The following PRR5 variants were observed in gnomAD, a reference collection of about 807,000 sequenced individuals.
PRR5 encodes the protein proline-rich protein 5.
Under a neutral mutation model 30.6 loss-of-function variants are expected in PRR5, and 25 were observed. The observed-to-expected ratio is 0.82, with a 90% CI of 0.60 to 1.14. The LOEUF is 1.14. PRR5 is among the 50% of genes most tolerant of loss of function. The pLI, the probability that PRR5 is intolerant of heterozygous loss-of-function variation, is 0.00. For synonymous variants in PRR5, 286 were observed against 247.1 expected, an observed-to-expected ratio of 1.16 and a Z score of -1.48; for missense variants, 600 against 547.1, an observed-to-expected ratio of 1.10 and a Z score of -0.96.
At position 44,732,852 on chromosome 22, in the gene PRR5, GTGCACACGCA is replaced by G. The variant is rs1438000807; in HGVS notation, c.555+462_555+471del. Among the ~76,000 whole-genome samples, 3 of 121,130 alleles carry G rather than the reference GTGCACACGCA, an allele frequency of 2.5e-5. 1 individual carries two copies. The East Asian group carries it at 8.5e-4, about 34-fold the overall frequency. 79.5% of individuals were successfully genotyped at this position (121,130 alleles called of 152,430 possible). A position where few individuals can be genotyped will look rare whatever the true frequency, so the allele number is the denominator to read the frequency against. ...GCACATACTACACACGTGCACACAC[GTGCACACGCA>G]CATACTACACACTGCACACACACAC... On this transcript the variant is annotated intron_variant, in intron 6 of 7. Coordinates refer to ENST00000336985, the MANE Select transcript of PRR5 (RefSeq NM_181333.4).
At chr22:44,668,945 C>G (rs1923253608) in intron 1 of PRR5, 1 of 148,734 alleles carries the variant, frequency 6.7e-6, no homozygotes. Context: ...TGTGTGCGCG[C>G]GTAGGTGCGC....
chr22:44,708,187 G>A lies in PRR5; in HGVS notation c.134+5579G>A, dbSNP rs559299670. Among the ~76,000 whole-genome samples the A allele has an allele frequency of 9.9e-5, 15 of 152,172 alleles. 1 individual carries two copies. In the South Asian group the frequency reaches 2.1e-3, roughly 21 times the overall value. On this transcript the variant is annotated intron_variant, in intron 1 of 7. Transcript: ENST00000336985. ...TGCACTCCAGCCTAGGTGACAGAGC[G>A]AGACTCCAACTCAAAAAACAACAAA...
chr22:44,678,863 C>G (rs1001122714), intron 1 of PRR5, among the ~76,000 whole-genome samples: 5 of 152,194 alleles, frequency 3.3e-5, no homozygotes. Context: ...GGGGCTGGCA[C>G]AGAGTGGGAC....
chr22:44,706,985 C>G (rs929823121), intron 1 of PRR5, among the ~76,000 whole-genome samples: 1 of 152,212 alleles, frequency 6.6e-6, no homozygotes, highest in Admixed American at 6.5e-5. Flanking sequence ...ATCTGCCTCC[C>G]AGTGCCAAGG....
intron 2 of PRR5, among the ~76,000 whole-genome samples, chr22:44,717,178 TC>T (rs1261195891): frequency 7.1e-6 from 1 of 141,092 alleles, no homozygotes; most frequent in Admixed American, 7.5e-5. Flanking sequence ...CTCCAAATGG[TC>T]CCCCTTACCC....
Position 44,695,464 on chromosome 22 carries a change from T to C in PRR5, c.-10-7028T>C, listed in dbSNP as rs77383925. Among the ~76,000 whole-genome samples the C allele has an allele frequency of 5.9e-3, 892 of 152,354 alleles. 8 individuals carry two copies. The highest frequency in any genetic ancestry group is 0.02 in the African/African-American group (832 of 41,590). On this transcript the variant is annotated intron_variant, in intron 1 of 8. Transcript: ENST00000006251. Reference sequence around the variant, plus strand: ...AGGTATTTTTGGTGTGTGATTGCTATGGCCTTTGTGCAAGGTTGTGGTTTT... The same window carrying C: ...AGGTATTTTTGGTGTGTGATTGCTACGGCCTTTGTGCAAGGTTGTGGTTTT...
chr22:44,712,537 CACAG>C (rs1928415029), intron 1 of PRR5, among the ~76,000 whole-genome samples: 1 of 152,224 alleles, frequency 6.6e-6, no homozygotes, highest in South Asian at 2.1e-4. Context: ...AGTTCAGGTG[CACAG>C]GGGCCCAAGA....
At chr22:44,676,024 G>A (rs748806886), upstream of PRR5, among the ~76,000 whole-genome samples, 9 of 151,850 alleles carry the variant, frequency 5.9e-5, no homozygotes, top group Non-Finnish European at 1.2e-4. Flanking sequence ...TAGCTCCATT[G>A]TAGAAACTGG....
intron 5 of PRR5, among the ~76,000 whole-genome samples, 186 bp downstream of exon 5, chr22:44,732,007 C>T (rs1448681023): frequency 2.6e-5 from 4 of 152,232 alleles, no homozygotes; most frequent in African/African-American, 4.8e-5. Flanking sequence ...ATATGGACGC[C>T]TCCCTCCCTG....
chr22:44,690,238 A>G (rs1330917868), intron 1 of PRR5, among the ~76,000 whole-genome samples: 1 of 152,184 alleles, frequency 6.6e-6, no homozygotes, highest in Non-Finnish European at 1.5e-5. Flanking sequence ...AGGGATCCCC[A>G]GCTCTGTGTG....
chr22:44,716,179 G>C (rs933609402), intron 2 of PRR5, among the ~76,000 whole-genome samples: 1 of 152,218 alleles, frequency 6.6e-6, no homozygotes, highest in African/African-American at 2.4e-5. Flanking sequence ...CTGGGCCCCA[G>C]GCTTCCCTCG....
rs1274463963 is a variant in PRR5 at position 44,702,252 on chromosome 22, C to T, written c.-223C>T. 1.8e-5 allele frequency: 20 copies of T among 1,135,192 alleles called. No individual in the cohort carries two copies. The South Asian group carries it at 2.6e-4, about 15-fold the overall frequency. 70.3% of individuals were successfully genotyped at this position (1,135,192 alleles called of 1,614,324 possible). A position where few individuals can be genotyped will look rare whatever the true frequency, so the allele number is the denominator to read the frequency against. On this transcript the variant is annotated 5_prime_UTR_variant, in exon 1 of 8. It adds an upstream start codon to the 5' untranslated region. Transcript: ENST00000336985. ...TGCTGGCCGCGCGCCTGGCGCTCCACGCTGAGCCTCTCCGTGCAATGATTA... is the reference window on the plus strand; with the variant it reads ...TGCTGGCCGCGCGCCTGGCGCTCCATGCTGAGCCTCTCCGTGCAATGATTA...
intron 1 of PRR5, among the ~76,000 whole-genome samples, chr22:44,689,797 C>A (rs1048105810): frequency 1.3e-5 from 2 of 152,310 alleles, no homozygotes; most frequent in African/African-American, 4.8e-5. Flanking sequence ...TACAGGCGCC[C>A]GCCACCACGC....
rs115545972 is a variant in PRR5 at position 44,736,333 on chromosome 22, G to A, written c.692-439G>A. Among the ~76,000 whole-genome samples the A allele has an allele frequency of 8.9e-3, 1,359 of 152,312 alleles. 24 individuals carry two copies. The highest frequency in any genetic ancestry group is 0.031 in the African/African-American group (1,307 of 41,578). Reference sequence around the variant, plus strand: ...GCCCCACAACCTGGCCCCATGGCTCGCCTCTTTGGGCTTCTTGGCCCTCCC... The same window carrying A: ...GCCCCACAACCTGGCCCCATGGCTCACCTCTTTGGGCTTCTTGGCCCTCCC... On this transcript the variant is annotated intron_variant, in intron 7 of 7. Coordinates refer to ENST00000336985, the MANE Select transcript of PRR5 (RefSeq NM_181333.4).
intron 1 of PRR5, among the ~76,000 whole-genome samples, chr22:44,686,065 C>T (rs759138868): frequency 4.6e-5 from 7 of 152,072 alleles, no homozygotes; most frequent in Non-Finnish European, 8.8e-5. Flanking sequence ...GCAGGCTGGC[C>T]AACATGGTGA....
upstream of PRR5, among the ~76,000 whole-genome samples, chr22:44,700,365 T>G (rs566005410): frequency 1.3e-5 from 2 of 151,960 alleles, no homozygotes; most frequent in African/African-American, 4.8e-5. Flanking sequence ...CTCACTAGAT[T>G]GAGGCAGGAG....
At chr22:44,693,155 G>A (rs933203399) in intron 1 of PRR5, among the ~76,000 whole-genome samples, 1 of 152,160 alleles carries the variant, frequency 6.6e-6, no homozygotes, top group South Asian at 2.1e-4. Flanking sequence ...CATAAACCAG[G>A]TGGCTTATAA....
intron 1 of PRR5, chr22:44,668,909 G>C (rs1242409049): frequency 6.6e-6 from 1 of 150,510 alleles, no homozygotes; most frequent in Non-Finnish European, 1.5e-5. Flanking sequence ...GCCCCGGGGC[G>C]GTGCCGGCGG....
intron 4 of PRR5, chr22:44,731,210 C>CGGTGGTCGCCGTATCATT: frequency 3.8e-6 from 1 of 265,334 alleles, no homozygotes; most frequent in Admixed American, 4.8e-5. Context: ...GTGTAGGTCT[C>CGGTGGTCGCCGTATCATT]ACCTGTGCCA....
Sources: gnomAD v4.1 joint callset for allele counts (sites outside exome capture counted in the v4.1 genomes callset) on GRCh38, gnomAD v4.1.1 for gene constraint, MANE v1.5 for transcripts, NCBI Gene and HGNC (gene_info 2026-07-23, HGNC 2026-07-21) for gene names.